UNC13C: variants seen among roughly 807,000 people sequenced by gnomAD.
UNC13C encodes unc-13 homolog C, also known as protein unc-13 homolog C.
UNC13C carries 174 observed loss-of-function variants against 245.4 expected under a neutral mutation model. The observed-to-expected ratio is 0.71, with a 90% confidence interval of 0.63 to 0.80. The LOEUF is 0.80. Among genes scored for constraint, UNC13C ranks in the 30% least tolerant of loss-of-function variants. The probability of loss-of-function intolerance (pLI) is 0.00; values close to 1 mark genes in which losing one functional copy is unlikely to be tolerated. For missense variants in UNC13C, 2,829 were observed against 2,602.9 expected (o/e 1.09, Z -1.89); for synonymous variants, 992 against 895.1 (o/e 1.11, Z -1.93).
At chr15:54,063,006 C>T (rs114950445) in intron 2 of UNC13C, among the ~76,000 whole-genome samples, 160 of 152,198 alleles carry the variant, frequency 1.1e-3, no homozygotes, top group African/African-American at 3.6e-3. Flanking sequence ...CATTAGTTCC[C>T]GTTAGGGATA....
the UNC13C span, among the ~76,000 whole-genome samples, chr15:53,866,309 A>G: frequency 6.6e-6 from 1 of 152,228 alleles, no homozygotes; most frequent in Non-Finnish European, 1.5e-5. Flanking sequence ...TGCTAAAGGA[A>G]TAAACACAAC....
chr15:54,080,178 T>C (rs996425783), intron 2 of UNC13C, among the ~76,000 whole-genome samples: 1 of 152,050 alleles, frequency 6.6e-6, no homozygotes, highest in Non-Finnish European at 1.5e-5. Context: ...ATCCACTTGA[T>C]TGTGATGAAC....
chr15:54,269,292 T>C (rs1008279288), intron 10 of UNC13C, among the ~76,000 whole-genome samples: 2 of 152,034 alleles, frequency 1.3e-5, no homozygotes, highest in East Asian at 1.9e-4. Context: ...TATATTTTGC[T>C]CACTGCTTGA....
In UNC13C at chr15:54,014,330, A is replaced by T. The variant is rs748391617; in HGVS notation, c.1427A>T (p.Lys476Met). The part of the protein sequence containing the change: ...AVLSKSELLT[K>M]GSTSKPSSKS... The stretch of plus-strand genomic sequence containing the variant: ...CTTTCCAAGTCAGAGCTTCTAACAA[A>T]GGGAAGTACTTCCAAGCCAAGCTCA... The change falls in exon 2 of 33, where the codon AAG (lysine) becomes ATG (methionine). Residue 476 changes from lysine (K) to methionine (M), a missense_variant. Physicochemically the swap from Lys to Met is moderately conservative, Grantham distance 95. Transcript: ENST00000260323. 9 of 1,613,804 alleles carry T rather than the reference A, an allele frequency of 5.6e-6. No individual in the cohort carries two copies. Among genetic ancestry groups the T allele is most frequent in the African/African-American group, 1.3e-5 (1 of 74,930 alleles).
chr15:53,953,872 G>C, the UNC13C span, among the ~76,000 whole-genome samples: 4 of 152,202 alleles, frequency 2.6e-5, no homozygotes, highest in South Asian at 6.2e-4. Flanking sequence ...AGCAGTGTCA[G>C]AGCACAGTCC....
chr15:54,180,367 G>A (rs1028664754), intron 4 of UNC13C, among the ~76,000 whole-genome samples: 2 of 152,014 alleles, frequency 1.3e-5, no homozygotes, highest in Admixed American at 1.3e-4. Flanking sequence ...AGTATTCCAT[G>A]GCAATATGTA....
At chr15:53,890,394 G>T in the UNC13C span, among the ~76,000 whole-genome samples, 2 of 152,250 alleles carry the variant, frequency 1.3e-5, no homozygotes, top group African/African-American at 4.8e-5. Flanking sequence ...ACCCGCCATG[G>T]CCTCCCAAAG....
At chr15:54,211,701 AAC>A (rs1382418101) in intron 4 of UNC13C, among the ~76,000 whole-genome samples, 1 of 152,066 alleles carries the variant, frequency 6.6e-6, no homozygotes, top group African/African-American at 2.4e-5. Context: ...CATCAATATG[AAC>A]AGTGTCAGGT....
intron 10 of UNC13C, among the ~76,000 whole-genome samples, chr15:54,268,046 A>G (rs938081283): frequency 1.3e-5 from 2 of 151,978 alleles, no homozygotes; most frequent in African/African-American, 2.4e-5. Flanking sequence ...TGCTGCACCT[A>G]TCAACCCATC....
the UNC13C span, among the ~76,000 whole-genome samples, chr15:53,957,282 C>A: frequency 6.6e-6 from 1 of 152,108 alleles, no homozygotes; most frequent in African/African-American, 2.4e-5. Flanking sequence ...GCTAGGATTA[C>A]AGGTGTGCAC....
chr15:54,292,484 A>G (rs2037323098), intron 10 of UNC13C, among the ~76,000 whole-genome samples: 1 of 151,958 alleles, frequency 6.6e-6, no homozygotes, highest in African/African-American at 2.4e-5. Context: ...TACAATTCGT[A>G]TATAGGCCCA....
intron 10 of UNC13C, among the ~76,000 whole-genome samples, chr15:54,288,269 T>A (rs148348189): frequency 1.5e-3 from 235 of 152,274 alleles, no homozygotes; most frequent in South Asian, 5.0e-3. Context: ...ATTTCGTTTA[T>A]CAGTTTCCCT....
At chr15:54,100,639 C>G (rs952469653) in intron 2 of UNC13C, among the ~76,000 whole-genome samples, 1 of 152,072 alleles carries the variant, frequency 6.6e-6, no homozygotes. Context: ...ACGTCTATAT[C>G]CAGTTACCTA....
At chr15:53,935,916 A>T in the UNC13C span, among the ~76,000 whole-genome samples, 1 of 152,180 alleles carries the variant, frequency 6.6e-6, no homozygotes, top group Non-Finnish European at 1.5e-5. Context: ...TCCAGCACGC[A>T]CAGAAACCTA....
intron 13 of UNC13C, among the ~76,000 whole-genome samples, chr15:54,305,658 A>G (rs536006207): frequency 5.3e-5 from 8 of 152,236 alleles, no homozygotes; most frequent in South Asian, 2.1e-4. Context: ...CGAAAGAACA[A>G]CAAAACCTAG....
At chr15:54,421,838 T>C (rs936249995) in intron 19 of UNC13C, among the ~76,000 whole-genome samples, 4 of 152,194 alleles carry the variant, frequency 2.6e-5, no homozygotes, top group East Asian at 1.9e-4. Context: ...CACACACTTA[T>C]GTATTATGTA....
chr15:54,462,817 C>T (rs150135952), intron 19 of UNC13C, among the ~76,000 whole-genome samples: 22 of 152,278 alleles, frequency 1.4e-4, no homozygotes, highest in African/African-American at 5.1e-4. Flanking sequence ...CCATCAACCA[C>T]CCAAGGGCTG....
intron 16 of UNC13C, 60 bp downstream of exon 16, chr15:54,333,916 TAA>T: frequency 7.7e-7 from 1 of 1,306,640 alleles, no homozygotes; most frequent in East Asian, 2.5e-5. Flanking sequence ...CATCCCCTGG[TAA>T]AGTCTTGCTT....
the UNC13C span, among the ~76,000 whole-genome samples, chr15:53,879,368 G>A: frequency 1.3e-5 from 2 of 151,894 alleles, no homozygotes; most frequent in Non-Finnish European, 2.9e-5. Flanking sequence ...TTGCCATATT[G>A]CCCACGCTGG....
Sources: allele counts gnomAD v4.1 joint callset (sites outside exome capture counted in the v4.1 genomes callset), GRCh38; gene constraint gnomAD v4.1.1; transcripts MANE v1.5; gene names NCBI Gene and HGNC (gene_info 2026-07-23, HGNC 2026-07-21).